The following LRP1B variants were observed in gnomAD, a reference collection of about 807,000 sequenced individuals.
The protein encoded by LRP1B is low-density lipoprotein receptor-related protein 1B.
In LRP1B, 217 loss-of-function variants were observed where a neutral mutation model predicts 556.6. The ratio of observed to expected loss-of-function variants is 0.39; its 90% CI spans 0.35 to 0.44. The LOEUF (loss-of-function observed/expected upper bound fraction) is 0.44, where lower values mean the gene tolerates loss of function less well. Among genes scored for constraint, LRP1B ranks in the 20% least tolerant of loss-of-function variants. The probability of loss-of-function intolerance (pLI) is 1.00; values close to 1 mark genes in which losing one functional copy is unlikely to be tolerated. For synonymous variants in LRP1B, 2,047 were observed against 1,865.8 expected, an observed-to-expected ratio of 1.10 and a Z score of -2.50; for missense variants, 5,053 against 5,620.8, an observed-to-expected ratio of 0.90 and a Z score of 3.23.
intron 29 of LRP1B, among the ~76,000 whole-genome samples, chr2:140,845,738 T>C (rs919401125): frequency 6.6e-6 from 1 of 152,076 alleles, no homozygotes; most frequent in African/African-American, 2.4e-5. Context: ...TATTAAAAAA[T>C]ATAATATAAA....
rs115269849 is a variant in LRP1B, at chr2:141,510,073, T to G, written c.206-29540A>C. On this transcript the variant is annotated intron_variant, in intron 2 of 90. Transcript: ENST00000389484. ...AATGACAATTCAGAAAAAAAAGTAC[T>G]CTTTCTCATTTCTATTAACTTCTTA... Among the ~76,000 whole-genome samples, 1,478 of 152,072 alleles carry G rather than the reference T, an allele frequency of 9.7e-3. 16 individuals are homozygous for G. The highest frequency in any genetic ancestry group is 0.029 in the African/African-American group (1,200 of 41,482).
At chr2:140,615,111 C>A (rs1683211438) in intron 41 of LRP1B, among the ~76,000 whole-genome samples, 1 of 152,122 alleles carries the variant, frequency 6.6e-6, no homozygotes, top group African/African-American at 2.4e-5. Flanking sequence ...TCCCCAAATG[C>A]TCCTAGAGAT....
intron 66 of LRP1B, among the ~76,000 whole-genome samples, chr2:140,397,883 A>G (rs1684321033): frequency 6.6e-6 from 1 of 152,178 alleles, no homozygotes. Context: ...TAATATTTAT[A>G]TATTTATCTT....
intron 3 of LRP1B, among the ~76,000 whole-genome samples, chr2:141,352,497 G>A (rs1688481866): frequency 6.6e-6 from 1 of 151,784 alleles, no homozygotes; most frequent in East Asian, 1.9e-4. Context: ...TATAACCATA[G>A]AGTAAGCACC....
At chr2:141,717,899 A>G in intron 2 of LRP1B, among the ~76,000 whole-genome samples, 1 of 152,234 alleles carries the variant, frequency 6.6e-6, no homozygotes, top group East Asian at 1.9e-4. Context: ...TAGCCACATT[A>G]AACAACTATC....
chr2:141,646,484 T>C (rs1302740098), intron 2 of LRP1B, among the ~76,000 whole-genome samples: 4 of 152,088 alleles, frequency 2.6e-5, no homozygotes, highest in Non-Finnish European at 5.9e-5. Flanking sequence ...AAAAGAATAA[T>C]ACATGTAAAA....
intron 3 of LRP1B, among the ~76,000 whole-genome samples, chr2:141,395,838 T>G (rs1361157376): frequency 6.6e-6 from 1 of 152,028 alleles, no homozygotes; most frequent in Non-Finnish European, 1.5e-5. Context: ...AGGGGAGAGA[T>G]AATGAGAAAT....
chr2:141,855,294 T>C (rs11894216), intron 1 of LRP1B, among the ~76,000 whole-genome samples: 1 of 151,892 alleles, frequency 6.6e-6, no homozygotes, highest in Non-Finnish European at 1.5e-5. Context: ...TAAAGAAGGG[T>C]GAATCTTCTC....
intron 1 of LRP1B, among the ~76,000 whole-genome samples, chr2:141,816,280 T>G (rs1387394139): frequency 6.6e-6 from 1 of 151,972 alleles, no homozygotes; most frequent in Non-Finnish European, 1.5e-5. Context: ...AACATTTGAG[T>G]CAGTGGATTG....
At chr2:141,004,233 A>G (rs1697505920) in intron 15 of LRP1B, among the ~76,000 whole-genome samples, 2 of 152,094 alleles carry the variant, frequency 1.3e-5, no homozygotes, top group Admixed American at 6.6e-5. Flanking sequence ...ATGTTTGGTC[A>G]CACATTATCC....
intron 79 of LRP1B, among the ~76,000 whole-genome samples, chr2:140,330,040 A>C (rs1680713998): frequency 6.6e-6 from 1 of 151,648 alleles, no homozygotes; most frequent in Non-Finnish European, 1.5e-5. Context: ...TCTCTGCTAA[A>C]AATACAAAAA....
At chr2:141,154,987 T>C (rs1199902302) in intron 7 of LRP1B, among the ~76,000 whole-genome samples, 2 of 151,954 alleles carry the variant, frequency 1.3e-5, no homozygotes, top group Non-Finnish European at 2.9e-5. Context: ...TAATAAATGT[T>C]CTGTACATTA....
intron 41 of LRP1B, among the ~76,000 whole-genome samples, chr2:140,613,352 A>ATTATATAAATATAAATATAT (rs1559005748): frequency 5.6e-5 from 5 of 88,854 alleles, no homozygotes; most frequent in South Asian, 6.2e-4. Flanking sequence ...TATAAATATA[A>ATTATATAAATATAAATATAT]ATAATTATAT....
chr2:140,762,230 T>C (rs1688951255), intron 35 of LRP1B, among the ~76,000 whole-genome samples: 1 of 152,210 alleles, frequency 6.6e-6, no homozygotes, highest in Non-Finnish European at 1.5e-5. Context: ...ATGCAGTTCA[T>C]GTTTGATGTC....
At chr2:140,579,892 A>T (rs1681693290) in intron 43 of LRP1B, among the ~76,000 whole-genome samples, 1 of 152,194 alleles carries the variant, frequency 6.6e-6, no homozygotes, top group East Asian at 1.9e-4. Context: ...AACCATTTTC[A>T]GAAGAATAAA....
At position 141,876,979 on chromosome 2, in the gene LRP1B, A is replaced by G. The variant is rs548047518; in HGVS notation, c.83-66578T>C. 1.6e-4 allele frequency among the ~76,000 whole-genome samples: 25 copies of G among 152,128 alleles called. 1 individual carries two copies. In the South Asian group the frequency reaches 5.2e-3, roughly 31 times the overall value. On this transcript the variant is annotated intron_variant, in intron 1 of 90. Transcript: ENST00000389484. ...TTTAAACTTTTCTTTTTGCAGTTATATGAATTACAAATTAAAACAAGAAGG... is the reference window on the plus strand; with the variant it reads ...TTTAAACTTTTCTTTTTGCAGTTATGTGAATTACAAATTAAAACAAGAAGG...
chr2:140,389,376 T>C (rs982538643), intron 66 of LRP1B, among the ~76,000 whole-genome samples: 10 of 152,032 alleles, frequency 6.6e-5, no homozygotes, highest in African/African-American at 2.4e-4. Context: ...ACAGTGGGAA[T>C]GGAATTTAAG....
chr2:141,260,793 C>A (rs974152436), intron 3 of LRP1B, among the ~76,000 whole-genome samples: 3 of 152,060 alleles, frequency 2.0e-5, no homozygotes, highest in African/African-American at 4.8e-5. Flanking sequence ...TTTAGAAATT[C>A]TTTGGAAATA....
intron 82 of LRP1B, 150 bp downstream of exon 82, chr2:140,321,813 A>C: frequency 1.4e-6 from 1 of 703,200 alleles, no homozygotes; most frequent in South Asian, 2.1e-5. Flanking sequence ...TTCTCCAGAG[A>C]AAAGTACAGT....
Sources: gnomAD v4.1 joint callset for allele counts (sites outside exome capture counted in the v4.1 genomes callset) on GRCh38, gnomAD v4.1.1 for gene constraint, MANE v1.5 for transcripts, NCBI Gene and HGNC (gene_info 2026-07-23, HGNC 2026-07-21) for gene names.